PTPN11: variants seen among roughly 807,000 people sequenced by gnomAD.
PTPN11 encodes the protein tyrosine-protein phosphatase non-receptor type 11.
Under a neutral mutation model 78.8 loss-of-function variants are expected in PTPN11, and 6 were observed. The ratio of observed to expected loss-of-function variants is 0.08; its 90% CI spans 0.04 to 0.15. The LOEUF (loss-of-function observed/expected upper bound fraction) is 0.15. Among genes scored for constraint, PTPN11 ranks in the 10% least tolerant of loss-of-function variants. The pLI, the probability that PTPN11 is intolerant of heterozygous loss-of-function variation, is 1.00. For synonymous variants in PTPN11, 221 were observed against 263.5 expected (o/e 0.84, Z 1.56); for missense variants, 386 against 744.8 (o/e 0.52, Z 5.61).
intron 6 of PTPN11, among the ~76,000 whole-genome samples, chr12:112,464,023 A>G (rs922412933): frequency 1.3e-5 from 2 of 152,344 alleles, no homozygotes; most frequent in African/African-American, 4.8e-5. Context: ...ATAGCAAAGC[A>G]TTATCATTTT....
intron 9 of PTPN11, 115 bp from the exon 10 acceptor site, chr12:112,481,959 G>T: frequency 8.8e-7 from 1 of 1,141,300 alleles, no homozygotes; most frequent in South Asian, 1.3e-5. Flanking sequence ...TGCGAAACAG[G>T]CCATTTTCCA....
rs533919914 is a variant in PTPN11 at position 112,435,109 on chromosome 12, C to T, written c.15-11167C>T. Among the ~76,000 whole-genome samples, 8 of 152,190 alleles carry T rather than the reference C, an allele frequency of 5.3e-5. No individual in the cohort carries two copies. The South Asian group carries it at 1.7e-3, about 32-fold the overall frequency. On this transcript the variant is annotated intron_variant, in intron 1 of 15. Transcript: ENST00000351677. ...TCGCAGCTCACTGCAACCCCGACGTCCCAGGCTCAGGCAATCTTTCCGTCT... is the reference window on the plus strand; with the variant it reads ...TCGCAGCTCACTGCAACCCCGACGTTCCAGGCTCAGGCAATCTTTCCGTCT...
At chr12:112,492,463 A>G (rs2038757822) in intron 13 of PTPN11, among the ~76,000 whole-genome samples, 1 of 151,636 alleles carries the variant, frequency 6.6e-6, no homozygotes, top group Non-Finnish European at 1.5e-5. Flanking sequence ...TTTCCCTTTT[A>G]AGTTAATATC....
chr12:112,439,813 A>C (rs530088163), intron 1 of PTPN11, among the ~76,000 whole-genome samples: 34 of 151,362 alleles, frequency 2.2e-4, no homozygotes, highest in African/African-American at 6.3e-4. Context: ...AAAAAAAAAA[A>C]CCCAAACCAT....
At chr12:112,471,383 T>G (rs1218215410) in intron 6 of PTPN11, among the ~76,000 whole-genome samples, 1 of 151,998 alleles carries the variant, frequency 6.6e-6, no homozygotes, top group East Asian at 1.9e-4. Flanking sequence ...TTGACTTTTT[T>G]TTTTTTTGAG....
intron 2 of PTPN11, 32 bp from the exon 3 acceptor site, chr12:112,450,286 C>T (rs2135861718): frequency 6.5e-7 from 1 of 1,540,922 alleles, no homozygotes; most frequent in Non-Finnish European, 9.0e-7. Context: ...TTTATTTGTC[C>T]CCTTGCCTCC....
chr12:112,458,020 T>A (rs2038189562), intron 6 of PTPN11, among the ~76,000 whole-genome samples: 1 of 152,240 alleles, frequency 6.6e-6, no homozygotes, highest in South Asian at 2.1e-4. Context: ...CTATGCTTTT[T>A]GAGGACTACA....
chr12:112,476,559 A>C (rs931264411), intron 7 of PTPN11, among the ~76,000 whole-genome samples: 5 of 152,176 alleles, frequency 3.3e-5, no homozygotes, highest in African/African-American at 1.2e-4. Flanking sequence ...ACCTGAGGTC[A>C]GGAGTTCAAG....
Position 112,482,768 on chromosome 12 carries a change from G to A in PTPN11, c.1224+563G>A, listed in dbSNP as rs2038616885. On this transcript the variant is annotated intron_variant, in intron 10 of 15. Coordinates refer to ENST00000351677, the MANE Select transcript of PTPN11 (RefSeq NM_002834.5). The surrounding 1 kb of genome is among the most constrained non-coding windows in gnomAD (Gnocchi z 4.4). Reference sequence around the variant, plus strand: ...CGGGGGGTGAAGTCTGCAGGATGTGGGGATTGTTTGGCTTTTGGAGGAGGA... The same window carrying A: ...CGGGGGGTGAAGTCTGCAGGATGTGAGGATTGTTTGGCTTTTGGAGGAGGA... 6.6e-6 allele frequency among the ~76,000 whole-genome samples: 1 copy of A among 152,158 alleles called. No individual in the cohort carries two copies. The highest frequency in any genetic ancestry group is 6.5e-5 in the Admixed American group (1 of 15,270).
chr12:112,496,777 C>T (rs1397008015), intron 13 of PTPN11, among the ~76,000 whole-genome samples: 1 of 152,140 alleles, frequency 6.6e-6, no homozygotes, highest in Non-Finnish European at 1.5e-5. Context: ...ATTTGCACTT[C>T]TTGTTTGAAG....
At chr12:112,487,633 A>G (rs2038695981) in intron 11 of PTPN11, among the ~76,000 whole-genome samples, 1 of 152,046 alleles carries the variant, frequency 6.6e-6, no homozygotes, top group African/African-American at 2.4e-5. Flanking sequence ...AATCTCATTC[A>G]TTTCTTGGGC....
chr12:112,419,184 A>C, intron 1 of PTPN11, 59 bp downstream of exon 1: 2 of 1,410,960 alleles, frequency 1.4e-6, no homozygotes, highest in Non-Finnish European at 1.8e-6. Flanking sequence ...GCGTTCGGTT[A>C]GCCCCGTCCG....
At chr12:112,451,263 A>C (rs1036755870) in intron 3 of PTPN11, among the ~76,000 whole-genome samples, 2 of 152,114 alleles carry the variant, frequency 1.3e-5, no homozygotes, top group African/African-American at 2.4e-5. Flanking sequence ...TCTAGCTACC[A>C]CCGTAGCTTC....
At chr12:112,476,801 C>CAACAAA (rs1448519760) in intron 7 of PTPN11, among the ~76,000 whole-genome samples, 1 of 152,104 alleles carries the variant, frequency 6.6e-6, no homozygotes, top group Admixed American at 6.6e-5. Flanking sequence ...ACAACAACAA[C>CAACAAA]AACAAAAACC....
intron 13 of PTPN11, 71 bp downstream of exon 13, chr12:112,489,246 A>G: frequency 6.4e-7 from 1 of 1,564,838 alleles, no homozygotes; most frequent in Non-Finnish European, 8.8e-7. Context: ...TCTCCTTTTG[A>G]GCAGGAGGAC....
At chr12:112,475,033 T>C (rs1212416746) in intron 7 of PTPN11, among the ~76,000 whole-genome samples, 3 of 152,200 alleles carry the variant, frequency 2.0e-5, no homozygotes, top group Non-Finnish European at 1.5e-5. Context: ...TCTCAGAAAC[T>C]GCACTAAACC....
chr12:112,448,699 A>G (rs1304845650), intron 2 of PTPN11, among the ~76,000 whole-genome samples: 1 of 152,002 alleles, frequency 6.6e-6, no homozygotes, highest in Non-Finnish European at 1.5e-5. Context: ...TGAATATTTT[A>G]TAACTTCTAT....
At chr12:112,493,977 A>G (rs1391721060) in intron 13 of PTPN11, among the ~76,000 whole-genome samples, 2 of 152,068 alleles carry the variant, frequency 1.3e-5, no homozygotes, top group East Asian at 3.9e-4. Flanking sequence ...TCCATGCTGG[A>G]CACGGTGGCT....
intron 2 of PTPN11, among the ~76,000 whole-genome samples, chr12:112,448,823 A>T (rs1027671991): frequency 6.6e-6 from 1 of 152,232 alleles, no homozygotes; most frequent in Admixed American, 6.5e-5. Context: ...TTGGGATAAC[A>T]CTACCTCGTA....
Sources: allele counts gnomAD v4.1 joint callset (sites outside exome capture counted in the v4.1 genomes callset), GRCh38; gene constraint gnomAD v4.1.1; non-coding constraint Gnocchi (gnomAD v3.1); transcripts MANE v1.5; gene names NCBI Gene and HGNC (gene_info 2026-07-23, HGNC 2026-07-21).